FBXW12: variants seen among roughly 807,000 people sequenced by gnomAD.
The protein encoded by FBXW12 is F-box/WD repeat-containing protein 12.
A neutral mutation model predicts 55.3 loss-of-function variants in FBXW12; 43 were observed. That is an observed-to-expected ratio of 0.78 (90% confidence interval 0.61 to 1.00). FBXW12 has a LOEUF of 1.00. FBXW12 is among the 50% of genes least tolerant of loss of function. The pLI is 0.00. For synonymous variants in FBXW12, 184 were observed against 203.8 expected, an observed-to-expected ratio of 0.90 and a Z score of 0.83; for missense variants, 524 against 560.5, an observed-to-expected ratio of 0.93 and a Z score of 0.66.
intron 10 of FBXW12, among the ~76,000 whole-genome samples, chr3:48,390,254 C>A (rs1371962513): frequency 6.6e-6 from 1 of 151,822 alleles, no homozygotes. Flanking sequence ...TTTTCTAGTT[C>A]TGTGAAAAAT....
rs1185941596 is a variant in FBXW12 at position 48,375,375 on chromosome 3, A to C, written c.308A>C (p.Tyr103Ser). 2 of 1,610,930 alleles carry C rather than the reference A, an allele frequency of 1.2e-6. No individual in the cohort carries two copies. Among genetic ancestry groups the C allele is most frequent in the East Asian group, 2.2e-5 (1 of 44,800 alleles). Reference sequence around the variant, plus strand: ...CTAGCATTTGAGACGGAGTTGGCTTATCTCTCAGGAAATAGACTTACAGTG... The same window carrying C: ...CTAGCATTTGAGACGGAGTTGGCTTCTCTCTCAGGAAATAGACTTACAGTG... ...KNIAFETELAYLSGNRLTVDE... is the reference protein window; with the variant it reads ...KNIAFETELASLSGNRLTVDE... Residue 103 changes from tyrosine (Y) to serine (S), a missense_variant, in exon 5 of 11, where the codon TAT (tyrosine) becomes TCT (serine). Coordinates refer to ENST00000296438, the MANE Select transcript of FBXW12 (RefSeq NM_207102.2).
At chr3:48,372,621 G>C in intron 1 of FBXW12, 63 bp from the exon 2 acceptor site, 1 of 1,554,324 alleles carries the variant, frequency 6.4e-7, no homozygotes, top group Middle Eastern at 2.0e-4. Context: ...CAGCCCGGGA[G>C]TCTGCACACC....
intron 10 of FBXW12, among the ~76,000 whole-genome samples, chr3:48,392,514 G>C (rs2036944437): frequency 6.7e-6 from 1 of 148,322 alleles, no homozygotes; most frequent in African/African-American, 2.5e-5. Flanking sequence ...CTATAGTTTT[G>C]TGATGTATTT....
At chr3:48,384,771 A>G (rs1235954963) in intron 10 of FBXW12, among the ~76,000 whole-genome samples, 2 of 152,156 alleles carry the variant, frequency 1.3e-5, no homozygotes, top group African/African-American at 4.8e-5. Context: ...ATAAGCATAT[A>G]GTTTTTCTTT....
chr3:48,379,355 T>A, intron 6 of FBXW12, 45 bp from the exon 7 acceptor site: 2 of 1,592,350 alleles, frequency 1.3e-6, no homozygotes, highest in South Asian at 1.1e-5. Flanking sequence ...ACTTCAGGAT[T>A]TCACATATCT....
At chr3:48,386,967 C>T (rs540975464) in intron 10 of FBXW12, among the ~76,000 whole-genome samples, 2 of 145,890 alleles carry the variant, frequency 1.4e-5, no homozygotes, top group South Asian at 2.1e-4. Flanking sequence ...GGCGAAGTCT[C>T]GCTCTTGTCC....
chr3:48,384,866 AAAT>A (rs1345614039), intron 10 of FBXW12, among the ~76,000 whole-genome samples: 70 of 152,330 alleles, frequency 4.6e-4, no homozygotes, highest in African/African-American at 1.6e-3. Flanking sequence ...TTTAATTAAC[AAAT>A]AATTATATAT....
intron 6 of FBXW12, among the ~76,000 whole-genome samples, chr3:48,379,031 CAA>C (rs1249839390): frequency 6.6e-6 from 1 of 152,164 alleles, no homozygotes; most frequent in African/African-American, 2.4e-5. Context: ...CTTCTAAAGA[CAA>C]AAAGCCAAAA....
intron 6 of FBXW12, 94 bp from the exon 7 acceptor site, chr3:48,379,306 A>C: frequency 1.8e-6 from 2 of 1,114,100 alleles, no homozygotes; most frequent in Admixed American, 3.6e-5. Context: ...TTGAAGAAAC[A>C]GTGGCATATC....
At chr3:48,374,015 A>G (rs2036643560) in intron 4 of FBXW12, among the ~76,000 whole-genome samples, 1 of 152,052 alleles carries the variant, frequency 6.6e-6, no homozygotes, top group Non-Finnish European at 1.5e-5. Context: ...AATTAATGGG[A>G]AACTCTAAAA....
At position 48,379,538 on chromosome 3, in the gene FBXW12, T is replaced by A. The variant is rs377300971; in HGVS notation, c.754T>A (p.Tyr252Asn). Residue 252 changes from tyrosine to asparagine, a missense_variant, in exon 7 of 11, where the codon TAC (tyrosine) becomes AAC (asparagine). Coordinates refer to ENST00000296438, the MANE Select transcript of FBXW12 (RefSeq NM_207102.2). Reference protein sequence around the residue: ...DKKWVFACGTYSRTLPQVFLT... With the variant: ...DKKWVFACGTNSRTLPQVFLT... ...GAAATGGGTATTTGCATGTGGGACA[T>A]ACAGTCGTACCTTGCCACAGGTAGG... 2.4e-5 allele frequency: 38 copies of A among 1,614,042 alleles called. No individual in the cohort carries two copies. Among genetic ancestry groups the A allele is most frequent in the Middle Eastern group, 3.3e-4 (2 of 6,084 alleles).
intron 6 of FBXW12, 80 bp from the exon 7 acceptor site, chr3:48,379,320 C>T: frequency 7.7e-7 from 1 of 1,293,492 alleles, no homozygotes; most frequent in Non-Finnish European, 1.1e-6. Flanking sequence ...GCATATCTTG[C>T]AGCTCATAGT....
intron 10 of FBXW12, among the ~76,000 whole-genome samples, chr3:48,385,211 A>C (rs1314014201): frequency 3.9e-5 from 6 of 152,176 alleles, no homozygotes; most frequent in African/African-American, 1.4e-4. Flanking sequence ...GTCACACATA[A>C]GTGAGATGAT....
rs762647580 is a variant in FBXW12 at position 48,375,485 on chromosome 3, A to C, written c.405+13A>C. ...GGATGTGCAAGAGGTGAGTCTGGCC[A>C]ATATGTGGCAAAAGTACTGCATATT... On this transcript the variant is annotated intron_variant, in intron 5 of 10. Transcript: ENST00000296438. 6.8e-7 allele frequency: 1 copy of C among 1,470,472 alleles called. No homozygotes were observed. Among genetic ancestry groups the C allele is most frequent in the Non-Finnish European group, 9.4e-7 (1 of 1,062,816 alleles). 91.1% of individuals were successfully genotyped at this position (1,470,472 alleles called of 1,614,324 possible).
In FBXW12 at chr3:48,372,314, T is replaced by G; in HGVS notation, c.-91T>G. ...TGAGCCCCACTCACCAGATTCAAGA[T>G]CCCAAGGTAGGCACAGACACAGGGC... On this transcript the variant is annotated 5_prime_UTR_variant, in exon 1 of 11. Transcript: ENST00000296438. The G allele has an allele frequency of 6.4e-7, 1 of 1,552,148 alleles. No individual in the cohort carries two copies. The highest frequency in any genetic ancestry group is 8.7e-7 in the Non-Finnish European group (1 of 1,147,090).
intron 7 of FBXW12, chr3:48,379,787 G>T (rs1457843386): frequency 8.2e-6 from 4 of 487,710 alleles, no homozygotes; most frequent in Non-Finnish European, 1.5e-5. Context: ...GCCCGAATTT[G>T]CCAAAGAGAT....
Position 48,381,875 on chromosome 3 carries a change from G to C in FBXW12, c.1161G>C (p.Trp387Cys). 1 of 1,608,662 alleles carries C rather than the reference G, an allele frequency of 6.2e-7. No individual in the cohort carries two copies. The highest frequency in any genetic ancestry group is 1.1e-5 in the South Asian group (1 of 90,608). ...ATCAGGCAGCCATCAACAACTTCTGGGTGGTATGTATGATTCTCCTCCACT... is the reference window on the plus strand; with the variant it reads ...ATCAGGCAGCCATCAACAACTTCTGCGTGGTATGTATGATTCTCCTCCACT... ...EDHQAAINNF[W>C]VDPCYVLTTS... The change falls in exon 9 of 11, where the codon TGG (tryptophan) becomes TGC (cysteine). Residue 387 changes from tryptophan to cysteine, a missense_variant. By Grantham distance (215) the Trp-to-Cys change is radical. Transcript: ENST00000296438.
intron 8 of FBXW12, 84 bp from the exon 9 acceptor site, chr3:48,381,616 G>A (rs1463375937): frequency 7.1e-7 from 1 of 1,417,060 alleles, no homozygotes; most frequent in African/African-American, 1.4e-5. Flanking sequence ...TTTTTATTCA[G>A]TGTGAGGATA....
intron 5 of FBXW12, among the ~76,000 whole-genome samples, chr3:48,376,384 C>G (rs910074808): frequency 6.6e-6 from 1 of 152,142 alleles, no homozygotes; most frequent in African/African-American, 2.4e-5. Flanking sequence ...TTTGGGCTTT[C>G]TGCATCTTTA....
Sources: gnomAD v4.1 joint callset for allele counts (sites outside exome capture counted in the v4.1 genomes callset) on GRCh38, gnomAD v4.1.1 for gene constraint, MANE v1.5 for transcripts, NCBI Gene and HGNC (gene_info 2026-07-23, HGNC 2026-07-21) for gene names.